NIN: variants seen among roughly 807,000 people sequenced by gnomAD.
NIN encodes ninein, also known as glycogen synthase kinase 3 beta-interacting protein.
In NIN, 137 loss-of-function variants were observed where a neutral mutation model predicts 257.6. The observed-to-expected ratio is 0.53, with a 90% CI of 0.46 to 0.61. The LOEUF (loss-of-function observed/expected upper bound fraction) is 0.61, where lower values mean the gene tolerates loss of function less well. NIN is among the 20% of genes least tolerant of loss of function. NIN has a pLI of 0.00. For missense variants in NIN, 2,439 were observed against 2,501.2 expected, an observed-to-expected ratio of 0.98 and a Z score of 0.53; for synonymous variants, 918 against 919.8, an observed-to-expected ratio of 1.00 and a Z score of 0.04.
At chr14:50,733,237 C>T (rs539345923) in intron 28 of NIN, among the ~76,000 whole-genome samples, 6 of 152,000 alleles carry the variant, frequency 3.9e-5, no homozygotes, top group Non-Finnish European at 8.8e-5. Flanking sequence ...GGATTACAGG[C>T]GCACACAACC....
intron 30 of NIN, among the ~76,000 whole-genome samples, chr14:50,725,213 A>G (rs1440486517): frequency 2.6e-5 from 4 of 152,072 alleles, no homozygotes; most frequent in East Asian, 3.9e-4. Flanking sequence ...TTAAGTATCT[A>G]AAGAACTAGG....
At chr14:50,801,928 T>C (rs2044121105) in intron 4 of NIN, among the ~76,000 whole-genome samples, 1 of 152,218 alleles carries the variant, frequency 6.6e-6, no homozygotes. Context: ...TCCTGCATTA[T>C]GCTAACATCT....
intron 3 of NIN, among the ~76,000 whole-genome samples, chr14:50,815,378 A>C (rs986052865): frequency 1.3e-5 from 2 of 152,228 alleles, no homozygotes; most frequent in Non-Finnish European, 2.9e-5. Flanking sequence ...ATCAATAAAT[A>C]GTCCAGAAAC....
In NIN at chr14:50,738,285, A is replaced by G; in HGVS notation, c.5630T>C (p.Val1877Ala). 6.2e-7 allele frequency: 1 copy of G among 1,612,350 alleles called. No homozygotes were observed. Among genetic ancestry groups the G allele is most frequent in the Non-Finnish European group, 8.5e-7 (1 of 1,179,376 alleles). The change falls in exon 27 of 31, where the codon GTC becomes GCC. Residue 1877 changes from valine (V) to alanine (A), a missense_variant and splice_region_variant. Physicochemically the swap from Val to Ala is moderately conservative, Grantham distance 64. Around this residue, in one of 3 missense-constraint regions of NIN, gnomAD observed 2,043 missense variants for 2,050.2 expected, o/e 1.00. Coordinates refer to ENST00000530997, the MANE Select transcript of NIN (RefSeq NM_020921.4). The part of the protein sequence containing the change: ...KAELTHSREK[V>A]RQLESNLLPK... Reference sequence around the variant, plus strand: ...AAGAAGATTGGATTCCAACTGACGGACCTAACAGGAACAAATGTAAGAGGA... The same window carrying G: ...AAGAAGATTGGATTCCAACTGACGGGCCTAACAGGAACAAATGTAAGAGGA...
chr14:50,793,960 T>C (rs1238740319), intron 4 of NIN, among the ~76,000 whole-genome samples: 3 of 152,242 alleles, frequency 2.0e-5, no homozygotes, highest in Non-Finnish European at 4.4e-5. Flanking sequence ...CGAGAACAGA[T>C]ATGTATTCTG....
intron 3 of NIN, among the ~76,000 whole-genome samples, chr14:50,812,004 C>CA (rs1595920906): frequency 1.3e-5 from 2 of 151,816 alleles, no homozygotes; most frequent in East Asian, 3.9e-4. Context: ...CCTGTAGTCC[C>CA]AGCTACTCAG....
At chr14:50,799,593 T>A (rs1396493145) in intron 4 of NIN, among the ~76,000 whole-genome samples, 2 of 152,234 alleles carry the variant, frequency 1.3e-5, no homozygotes, top group African/African-American at 4.8e-5. Flanking sequence ...CCTGCATCAG[T>A]GAGCTGATGT....
chr14:50,756,469 C>T (rs375320860), intron 18 of NIN, 23 bp downstream of exon 18: 23 of 1,559,236 alleles, frequency 1.5e-5, no homozygotes, highest in Non-Finnish European at 1.9e-5. Flanking sequence ...GGATTCGTGA[C>T]GTCTAGAAGG....
At chr14:50,736,440 C>T (rs2040983859) in intron 27 of NIN, among the ~76,000 whole-genome samples, 1 of 152,040 alleles carries the variant, frequency 6.6e-6, no homozygotes, top group Non-Finnish European at 1.5e-5. Context: ...TCCAGCCTCA[C>T]TTTTATAACT....
At chr14:50,735,644 T>G in intron 27 of NIN, 27 bp from the exon 28 acceptor site, 4 of 1,591,924 alleles carry the variant, frequency 2.5e-6, no homozygotes, top group Non-Finnish European at 3.4e-6. Flanking sequence ...AAATATTCCC[T>G]TGAAACAGAA....
intron 15 of NIN, 113 bp downstream of exon 15, chr14:50,763,713 C>CTTTTTTTTTTTTTTTTTTTTTTTTT: frequency 1.5e-6 from 1 of 675,486 alleles, no homozygotes; most frequent in Non-Finnish European, 2.2e-6. Flanking sequence ...TGGCCAAATT[C>CTTTTTTTTTTTTTTTTTTTTTTTTT]TTTTTTTTTT....
At chr14:50,726,826 A>T (rs2040430204) in intron 29 of NIN, among the ~76,000 whole-genome samples, 1 of 152,222 alleles carries the variant, frequency 6.6e-6, no homozygotes, top group African/African-American at 2.4e-5. Context: ...ATGTCCCCAT[A>T]AGGAATTTCA....
In NIN at chr14:50,725,977, C is replaced by G. The variant is rs2040394232; in HGVS notation, c.6168G>C (p.Glu2056Asp). 2 of 1,614,020 alleles carry G rather than the reference C, an allele frequency of 1.2e-6. No individual in the cohort carries two copies. The highest frequency in any genetic ancestry group is 1.3e-5 in the African/African-American group (1 of 74,938). ...CTTGTTCTTTGAGCTGATTCACTTT[C>G]TCTTGAAGAAGCCTTTTCACTAGTT... ...KLKLVKRLLQ[E>D]KVNQLKEQLC... Residue 2056 changes from glutamate to aspartate, a missense_variant, in exon 30 of 31, where the codon GAG (glutamate) becomes GAC (aspartate). By Grantham distance (45) the Glu-to-Asp change is conservative (BLOSUM62 2). Around this residue, in one of 3 missense-constraint regions of NIN, gnomAD observed 2,043 missense variants for 2,050.2 expected, o/e 1.00. Transcript: ENST00000530997.
intron 9 of NIN, among the ~76,000 whole-genome samples, chr14:50,771,684 GAA>G (rs34664482): frequency 4.2e-4 from 61 of 146,200 alleles, no homozygotes; most frequent in Admixed American, 1.8e-3. Context: ...GTGTTAAAAA[GAA>G]AAAAAAAAAA....
intron 4 of NIN, among the ~76,000 whole-genome samples, chr14:50,798,368 CT>C (rs2043935655): frequency 6.6e-6 from 1 of 152,170 alleles, no homozygotes. Context: ...AACAGGGTGG[CT>C]TTGATTAGCC....
chr14:50,722,407 C>T lies in NIN; in HGVS notation c.*1056G>A. 1 of 211,878 alleles carries T rather than the reference C, an allele frequency of 4.7e-6. No homozygotes were observed. The highest frequency in any genetic ancestry group is 9.6e-6 in the Non-Finnish European group (1 of 104,398). 13.1% of individuals were successfully genotyped at this position (211,878 alleles called of 1,614,324 possible). ...AACCCTAAAATCAAGGCCTTTTTTC[C>T]CCCAGAATATTAAATTTACTAAAAA... On this transcript the variant is annotated 3_prime_UTR_variant, in exon 31 of 31. Transcript: ENST00000530997.
intron 5 of NIN, among the ~76,000 whole-genome samples, chr14:50,781,503 T>C (rs149038287): frequency 6.6e-6 from 1 of 152,254 alleles, no homozygotes; most frequent in Non-Finnish European, 1.5e-5. Flanking sequence ...CAACATCTTA[T>C]GAGTCTATGA....
intron 28 of NIN, among the ~76,000 whole-genome samples, chr14:50,732,873 G>A (rs187453825): frequency 2.8e-3 from 431 of 151,852 alleles, no homozygotes; most frequent in Non-Finnish European, 4.1e-3. Flanking sequence ...GACTACAGGC[G>A]CATGCCACGG....
chr14:50,752,497 T>C, intron 21 of NIN, 21 bp downstream of exon 21: 3 of 1,563,648 alleles, frequency 1.9e-6, no homozygotes, highest in Non-Finnish European at 2.6e-6. Flanking sequence ...AAAAAAGCTG[T>C]CAGGTGGCTA....
Sources: allele counts gnomAD v4.1 joint callset (sites outside exome capture counted in the v4.1 genomes callset), GRCh38; gene constraint gnomAD v4.1.1; regional missense constraint gnomAD v4.1.1; transcripts MANE v1.5; gene names NCBI Gene and HGNC (gene_info 2026-07-23, HGNC 2026-07-21).